IL15: variants seen among roughly 807,000 people sequenced by gnomAD.
IL15 encodes the protein interleukin-15.
In IL15, 11 loss-of-function variants were observed where a neutral mutation model predicts 19.6. The observed-to-expected ratio is 0.56, with a 90% CI of 0.35 to 0.93. The LOEUF (loss-of-function observed/expected upper bound fraction) is 0.93. Among genes scored for constraint, IL15 ranks in the 40% least tolerant of loss-of-function variants. IL15 has a pLI of 0.01. For synonymous variants in IL15, 58 were observed against 59.6 expected (o/e 0.97, Z 0.12); for missense variants, 197 against 186.5 (o/e 1.06, Z -0.33).
intron 2 of IL15, chr4:141,717,115 A>C (rs955840509): frequency 1.3e-5 from 2 of 152,180 alleles, no homozygotes; most frequent in African/African-American, 4.8e-5. Context: ...CTAGATTTAG[A>C]TAAGTATTAA....
intron 2 of IL15, among the ~76,000 whole-genome samples, chr4:141,693,996 T>A (rs1257584077): frequency 2.0e-5 from 3 of 152,174 alleles, no homozygotes; most frequent in Non-Finnish European, 4.4e-5. Context: ...GAAAAACTGG[T>A]GATGTGGGAG....
At chr4:141,690,040 C>T (rs1201266693) in intron 2 of IL15, among the ~76,000 whole-genome samples, 1 of 152,314 alleles carries the variant, frequency 6.6e-6, no homozygotes, top group African/African-American at 2.4e-5. Context: ...AAATCGAGCA[C>T]AGCGCTGGTG....
chr4:141,648,695 T>C (rs2152154556), intron 1 of IL15, among the ~76,000 whole-genome samples: 1 of 152,192 alleles, frequency 6.6e-6, no homozygotes, highest in Admixed American at 6.6e-5. Context: ...GCAAGATCCT[T>C]GTAAAGAACC....
chr4:141,720,621 C>T (rs1482469173), intron 4 of IL15, 55 bp downstream of exon 4: 7 of 946,454 alleles, frequency 7.4e-6, no homozygotes, highest in Non-Finnish European at 1.2e-5. Context: ...GATGATTGTC[C>T]TTGGATATAT....
chr4:141,698,508 C>G (rs764971359), intron 2 of IL15, among the ~76,000 whole-genome samples: 4 of 151,694 alleles, frequency 2.6e-5, no homozygotes, highest in Non-Finnish European at 5.9e-5. Flanking sequence ...CTGATTCAAC[C>G]TGGCTGTTAG....
intron 2 of IL15, chr4:141,688,753 A>C (rs911682458): frequency 1.3e-5 from 2 of 152,326 alleles, no homozygotes; most frequent in Admixed American, 6.5e-5. Flanking sequence ...ATATCCCACC[A>C]GCCTCCCAAA....
chr4:141,700,120 T>C (rs1729235188), intron 2 of IL15, among the ~76,000 whole-genome samples: 1 of 152,034 alleles, frequency 6.6e-6, no homozygotes, highest in Non-Finnish European at 1.5e-5. Context: ...GGTGTCACCA[T>C]GTTGGCCAGG....
At chr4:141,722,157 CT>C in intron 5 of IL15, 149 bp downstream of exon 5, 1 of 1,108,322 alleles carries the variant, frequency 9.0e-7, no homozygotes, top group Non-Finnish European at 1.2e-6. Context: ...AAAAAGAAGT[CT>C]TTTCCTTACT....
intron 1 of IL15, among the ~76,000 whole-genome samples, chr4:141,647,650 A>G (rs1330382118): frequency 1.3e-5 from 2 of 151,734 alleles, no homozygotes; most frequent in Non-Finnish European, 2.9e-5. Flanking sequence ...GGCTTTTTAC[A>G]CCTCCTAGAC....
intron 5 of IL15, among the ~76,000 whole-genome samples, chr4:141,726,045 A>G (rs1420750860): frequency 2.0e-5 from 3 of 152,040 alleles, no homozygotes; most frequent in African/African-American, 4.8e-5. Context: ...CCTTTCCGTA[A>G]TAACACATTG....
Position 141,698,914 on chromosome 4 carries a change from G to A in IL15, c.-99-20452G>A, listed in dbSNP as rs143883658. Among the ~76,000 whole-genome samples the A allele has an allele frequency of 3.1e-3, 478 of 151,956 alleles. 1 individual carries two copies. Among genetic ancestry groups the A allele is most frequent in the Non-Finnish European group, 4.8e-3 (328 of 67,912 alleles). On this transcript the variant is annotated intron_variant, in intron 2 of 7. Coordinates refer to ENST00000320650, the MANE Select transcript of IL15 (RefSeq NM_000585.5). ...CTGTCTCTTAAGTTCCTTGAGGTGT[G>A]ATATTAGGTTGTTTATTTGTGCTTT...
chr4:141,712,439 A>G (rs1267047772), intron 2 of IL15, among the ~76,000 whole-genome samples: 1 of 151,996 alleles, frequency 6.6e-6, no homozygotes, highest in African/African-American at 2.4e-5. Context: ...ATTTGCACCA[A>G]GTGACAATAG....
intron 1 of IL15, among the ~76,000 whole-genome samples, chr4:141,642,429 G>C (rs1727077770): frequency 6.6e-6 from 1 of 152,136 alleles, no homozygotes; most frequent in South Asian, 2.1e-4. Context: ...TGTTCAGTTG[G>C]GATATATAGT....
chr4:141,700,396 TA>T (rs1376015493), intron 2 of IL15, among the ~76,000 whole-genome samples: 3 of 152,150 alleles, frequency 2.0e-5, no homozygotes, highest in South Asian at 2.1e-4. Flanking sequence ...TTTTGCTGGA[TA>T]AAAAAAGTCT....
chr4:141,709,088 A>T (rs1179009258), intron 2 of IL15, among the ~76,000 whole-genome samples: 1 of 136,730 alleles, frequency 7.3e-6, no homozygotes, highest in East Asian at 2.1e-4. Flanking sequence ...AATTTTCAAT[A>T]TTGAAAAATT....
intron 2 of IL15, among the ~76,000 whole-genome samples, chr4:141,703,616 A>AT (rs1000724257): frequency 6.8e-6 from 1 of 147,846 alleles, no homozygotes; most frequent in Admixed American, 6.9e-5. Context: ...GGGAACTTTT[A>AT]TTTTTTTTCC....
chr4:141,723,978 C>T (rs1730178124), intron 5 of IL15, among the ~76,000 whole-genome samples: 1 of 151,960 alleles, frequency 6.6e-6, no homozygotes, highest in African/African-American at 2.4e-5. Flanking sequence ...ACAATATAAC[C>T]AACCAACAGG....
intron 2 of IL15, among the ~76,000 whole-genome samples, chr4:141,679,236 G>A (rs747523722): frequency 1.2e-4 from 18 of 152,060 alleles, no homozygotes; most frequent in African/African-American, 1.9e-4. Context: ...TAAGCAAGCC[G>A]TTCCACAGTT....
intron 5 of IL15, among the ~76,000 whole-genome samples, chr4:141,725,375 T>G (rs1730223522): frequency 2.0e-5 from 3 of 152,116 alleles, no homozygotes; most frequent in Admixed American, 2.0e-4. Context: ...ATGACTGGTA[T>G]CTTTAGAAAA....
Sources: allele counts gnomAD v4.1 joint callset (sites outside exome capture counted in the v4.1 genomes callset), GRCh38; gene constraint gnomAD v4.1.1; transcripts MANE v1.5; gene names NCBI Gene and HGNC (gene_info 2026-07-23, HGNC 2026-07-21).